The following TBX5 variants were observed in gnomAD, a reference collection of about 807,000 sequenced individuals.
The protein encoded by TBX5 is T-box transcription factor TBX5.
TBX5 carries 8 observed loss-of-function variants against 51.1 expected under a neutral mutation model. The ratio of observed to expected loss-of-function variants is 0.16; its 90% CI spans 0.09 to 0.28. The LOEUF (loss-of-function observed/expected upper bound fraction) is 0.28, where lower values mean the gene tolerates loss of function less well. Ranked by LOEUF, TBX5 falls within the 10% of genes least tolerant of loss-of-function variation. The pLI is 1.00. For missense variants in TBX5, 589 were observed against 671.7 expected (o/e 0.88, Z 1.36); for synonymous variants, 302 against 266.4 (o/e 1.13, Z -1.30).
At chr12:114,408,262 C>A, upstream of TBX5, 1 of 959,488 alleles carries the variant, frequency 1.0e-6, no homozygotes, top group Non-Finnish European at 1.2e-6. Context: ...ATAAACCAAC[C>A]CGGCTTTCTC....
At chr12:114,370,863 G>T (rs1404489399) in intron 7 of TBX5, among the ~76,000 whole-genome samples, 7 of 151,864 alleles carry the variant, frequency 4.6e-5, no homozygotes, top group African/African-American at 1.5e-4. Flanking sequence ...TGACTTCTGA[G>T]ATTTTCATGA....
rs1426257590 is a variant in TBX5 at position 114,366,327 on chromosome 12, A to G, written c.820T>C (p.Phe274Leu). ...GAGAGAGCTCGAGACTCGCTGCTGA[A>G]AGGACTGTGGTTGGAGGCCACTTTT... The part of the protein sequence containing the change: ...RQKVASNHSP[F>L]SSESRALSTS... The change falls in exon 8 of 9, where the codon TTC becomes CTC. Residue 274 changes from phenylalanine (F) to leucine (L), a missense_variant. Around this residue, in one of 7 missense-constraint regions of TBX5, gnomAD observed 348 missense variants for 360.4 expected, o/e 0.97. Transcript: ENST00000405440. 6.2e-7 allele frequency: 1 copy of G among 1,614,042 alleles called. No individual in the cohort carries two copies. The highest frequency in any genetic ancestry group is 1.7e-5 in the Admixed American group (1 of 60,002).
At chr12:114,392,747 C>T (rs571817701) in intron 6 of TBX5, among the ~76,000 whole-genome samples, 11 of 152,012 alleles carry the variant, frequency 7.2e-5, no homozygotes, top group Admixed American at 2.0e-4. Context: ...TGACCGTCAC[C>T]GCAAAGCTAA....
intron 4 of TBX5, among the ~76,000 whole-genome samples, chr12:114,399,098 T>C (rs1344753833): frequency 6.6e-6 from 1 of 152,200 alleles, no homozygotes; most frequent in African/African-American, 2.4e-5. Flanking sequence ...AATGGGCCTC[T>C]CCTAACTGTT....
At chr12:114,395,692 C>T (rs1379588171) in intron 5 of TBX5, among the ~76,000 whole-genome samples, 2 of 152,170 alleles carry the variant, frequency 1.3e-5, no homozygotes, top group African/African-American at 2.4e-5. Flanking sequence ...CCAGACAGAA[C>T]GGCTACATCT....
chr12:114,401,962 G>A (rs1348939414), intron 2 of TBX5, 42 bp from the exon 3 acceptor site: 5 of 1,564,150 alleles, frequency 3.2e-6, no homozygotes, highest in Middle Eastern at 1.7e-4. Flanking sequence ...AGCCCTGGCA[G>A]TAGTGGGCAT....
chr12:114,354,724 G>A lies in TBX5; in HGVS notation c.*808C>T, dbSNP rs1306421909. The A allele has an allele frequency of 1.3e-5, 2 of 152,754 alleles. No homozygotes were observed. Among genetic ancestry groups the A allele is most frequent in the South Asian group, 2.1e-4 (1 of 4,826 alleles). The allele number at this position is 152,754 out of a possible 1,614,324, so 9.5% of individuals were successfully genotyped here. A position where few individuals can be genotyped will look rare whatever the true frequency, so the allele number is the denominator to read the frequency against. On this transcript the variant is annotated 3_prime_UTR_variant, in exon 9 of 9. Transcript: ENST00000405440. ...GTTTTTCAAAGCAAGCTTTCCGGAA[G>A]GGAAGCTATAGGCCACGTTTTAGCG...
rs903738615 is a variant in TBX5, at chr12:114,406,076, C to G, written c.-487G>C. 3.1e-6 allele frequency: 3 copies of G among 975,386 alleles called. No homozygotes were observed. The highest frequency in any genetic ancestry group is 3.5e-5 in the African/African-American group (2 of 56,952). The allele number at this position is 975,386 out of a possible 1,614,324, so 60.4% of individuals were successfully genotyped here. ...TCTCACTCTCTCTCCCTCTCTCTCTCTCTCTGAAATACAAGCCAACTCAGC... is the reference window on the plus strand; with the variant it reads ...TCTCACTCTCTCTCCCTCTCTCTCTGTCTCTGAAATACAAGCCAACTCAGC... On this transcript the variant is annotated 5_prime_UTR_variant, in exon 1 of 9. Coordinates refer to ENST00000405440, the MANE Select transcript of TBX5 (RefSeq NM_181486.4).
Position 114,399,532 on chromosome 12 carries a change from T to C in TBX5, c.343A>G (p.Lys115Glu). ...GCCTACCATTTATTATCTGCGAATTTGTATCTGTGATCGTCGGCAGGTACA... is the reference window on the plus strand; with the variant it reads ...GCCTACCATTTATTATCTGCGAATTCGTATCTGTGATCGTCGGCAGGTACA... Reference protein sequence around the residue: ...DIVPADDHRYKFADNKWSVTG... With the variant: ...DIVPADDHRYEFADNKWSVTG... Residue 115 changes from lysine to glutamate, a missense_variant, in exon 4 of 9, where the codon AAA becomes GAA. Transcript: ENST00000405440. The C allele has an allele frequency of 6.2e-7, 1 of 1,614,124 alleles. No individual in the cohort carries two copies. The highest frequency in any genetic ancestry group is 8.5e-7 in the Non-Finnish European group (1 of 1,179,992).
rs866736742 is a variant in TBX5, at chr12:114,396,180, G to T, written c.511-1287C>A. ...GGCGGGGGAGGGACGAGGAACTCGC[G>T]GGCCCCGCGGCTGCCCGACCCCGGG... On this transcript the variant is annotated intron_variant, in intron 5 of 8. Coordinates refer to ENST00000405440, the MANE Select transcript of TBX5 (RefSeq NM_181486.4). Among the ~76,000 whole-genome samples, 9 of 151,982 alleles carry T rather than the reference G, an allele frequency of 5.9e-5. No individual in the cohort carries two copies. The Middle Eastern group carries it at 0.014, about 231-fold the overall frequency.
chr12:114,395,579 C>T (rs1895606), intron 5 of TBX5, among the ~76,000 whole-genome samples: 60,761 of 151,678 alleles, frequency 0.4, 13,536 homozygotes, highest in Admixed American at 0.58. Flanking sequence ...GAGGAAGCAC[C>T]ACCCACACCC....
chr12:114,355,762 C>T lies in TBX5; in HGVS notation c.1327G>A (p.Ala443Thr). ...GPLVPRLAGM[A>T]NHGSPQLGEG... is the part of the protein sequence containing the mutation. ...CCCAGCTGTGGGGAGCCATGGTTGGCCATGCCAGCCAGCCGAGGGACCAGG... is the reference window on the plus strand; with the variant it reads ...CCCAGCTGTGGGGAGCCATGGTTGGTCATGCCAGCCAGCCGAGGGACCAGG... The change falls in exon 9 of 9, where the codon GCC (alanine) becomes ACC (threonine). Residue 443 changes from alanine (A) to threonine (T), a missense_variant. Physicochemically the swap from Ala to Thr is moderately conservative, Grantham distance 58. Transcript: ENST00000405440. 6.2e-7 allele frequency: 1 copy of T among 1,614,032 alleles called. No individual in the cohort carries two copies. The highest frequency in any genetic ancestry group is 8.5e-7 in the Non-Finnish European group (1 of 1,179,988).
At chr12:114,389,741 G>A (rs1297997678) in intron 6 of TBX5, among the ~76,000 whole-genome samples, 3 of 107,282 alleles carry the variant, frequency 2.8e-5, no homozygotes, top group Admixed American at 1.2e-4. Flanking sequence ...GCGACAGAGC[G>A]AGACTCCGTC....
At chr12:114,368,609 A>G (rs1178063764) in intron 7 of TBX5, among the ~76,000 whole-genome samples, 1 of 152,222 alleles carries the variant, frequency 6.6e-6, no homozygotes. Context: ...TCATTTCCTC[A>G]TAACTTTTGC....
At chr12:114,370,365 G>A (rs1436005204) in intron 7 of TBX5, among the ~76,000 whole-genome samples, 1 of 151,086 alleles carries the variant, frequency 6.6e-6, no homozygotes, top group Admixed American at 6.6e-5. Context: ...AAAAGAAAAG[G>A]CAGGTACAGA....
chr12:114,394,282 T>C (rs1871301808), intron 6 of TBX5, among the ~76,000 whole-genome samples: 1 of 152,110 alleles, frequency 6.6e-6, no homozygotes, highest in Non-Finnish European at 1.5e-5. Flanking sequence ...GCCACTGCAC[T>C]CCAGCCTGGG....
rs1383741180 is a variant in TBX5, at chr12:114,355,406, G to A, written c.*126C>T. 3 of 1,234,018 alleles carry A rather than the reference G, an allele frequency of 2.4e-6. No homozygotes were observed. Among genetic ancestry groups the A allele is most frequent in the Non-Finnish European group, 3.5e-6 (3 of 866,056 alleles). The allele number at this position is 1,234,018 out of a possible 1,614,324, so 76.4% of individuals were successfully genotyped here. On this transcript the variant is annotated 3_prime_UTR_variant, in exon 9 of 9. Coordinates refer to ENST00000405440, the MANE Select transcript of TBX5 (RefSeq NM_181486.4). ...ATCCAGCGACCTTGAGTGCAGATGT[G>A]AACATTGGGTGAAATGAAAAATCTT...
chr12:114,365,837 AAAAAAAAAG>A (rs1413625829), intron 8 of TBX5, among the ~76,000 whole-genome samples: 1 of 92,256 alleles, frequency 1.1e-5, no homozygotes, highest in African/African-American at 3.9e-5. Flanking sequence ...CTCAAAAAAA[AAAAAAAAAG>A]AAAAAAAAAA....
Position 114,354,038 on chromosome 12 carries a change from G to C in TBX5, c.*1494C>G, listed in dbSNP as rs1303696542. ...CTTAGCAACGTAAAGAGACATAATC[G>C]CATAGGGACACTCACTTACAAACAC... On this transcript the variant is annotated 3_prime_UTR_variant, in exon 9 of 9. Transcript: ENST00000405440. The C allele has an allele frequency of 6.6e-6, 1 of 152,250 alleles. No individual in the cohort carries two copies. Among genetic ancestry groups the C allele is most frequent in the Non-Finnish European group, 1.5e-5 (1 of 68,012 alleles). The allele number at this position is 152,250 out of a possible 1,614,324, so 9.4% of individuals were successfully genotyped here.
Sources: gnomAD v4.1 joint callset for allele counts (sites outside exome capture counted in the v4.1 genomes callset) on GRCh38, gnomAD v4.1.1 for gene constraint, gnomAD v4.1.1 regional missense constraint, MANE v1.5 for transcripts, NCBI Gene and HGNC (gene_info 2026-07-23, HGNC 2026-07-21) for gene names.